Variants in ARVCF observed in about 807,000 individuals in gnomAD.
The protein encoded by ARVCF is splicing regulator ARVCF.
ARVCF carries 66 observed loss-of-function variants against 90.9 expected under a neutral mutation model. The observed-to-expected ratio is 0.73, with a 90% confidence interval of 0.60 to 0.89. The LOEUF is 0.89. Ranked by LOEUF, ARVCF falls within the 40% of genes least tolerant of loss-of-function variation. The pLI, the probability that ARVCF is intolerant of heterozygous loss-of-function variation, is 0.00. For synonymous variants in ARVCF, 653 were observed against 603.4 expected, an observed-to-expected ratio of 1.08 and a Z score of -1.21; for missense variants, 1,469 against 1,382.3, an observed-to-expected ratio of 1.06 and a Z score of -1.00.
chr22:20,012,344 G>A (rs1402624155), intron 1 of ARVCF, among the ~76,000 whole-genome samples: 1 of 152,254 alleles, frequency 6.6e-6, no homozygotes, highest in Non-Finnish European at 1.5e-5. Flanking sequence ...GGGTGCACTA[G>A]GCACATCAGC....
intron 2 of ARVCF, among the ~76,000 whole-genome samples, chr22:19,997,936 T>C (rs983002137): frequency 3.3e-5 from 5 of 152,178 alleles, no homozygotes; most frequent in African/African-American, 1.2e-4. Flanking sequence ...GCAGGCGCAG[T>C]GGAGGCGGAG....
chr22:19,968,676 G>C (rs1277428084), downstream of ARVCF: 2 of 1,613,844 alleles, frequency 1.2e-6, no homozygotes, highest in African/African-American at 1.3e-5. Flanking sequence ...AATACAGGGA[G>C]GTGGTGGACG....
At chr22:19,998,348 A>G (rs1313592205) in intron 2 of ARVCF, among the ~76,000 whole-genome samples, 1 of 152,180 alleles carries the variant, frequency 6.6e-6, no homozygotes, top group Non-Finnish European at 1.5e-5. Flanking sequence ...GGTGACACAA[A>G]GCCCCTTTGA....
At chr22:19,969,099 G>C (rs1942598619), downstream of ARVCF, 1 of 240,712 alleles carries the variant, frequency 4.2e-6, no homozygotes, top group East Asian at 1.2e-4. Context: ...AACATTCAAA[G>C]CTCCCCTTGA....
intron 6 of ARVCF, chr22:19,979,290 G>A (rs1044261503): frequency 2.0e-5 from 12 of 608,214 alleles, no homozygotes; most frequent in Non-Finnish European, 3.4e-5. Flanking sequence ...GTGCAGAGGA[G>A]GGTGTGGCAG....
At chr22:19,999,429 C>T (rs1944368136) in intron 2 of ARVCF, among the ~76,000 whole-genome samples, 1 of 152,164 alleles carries the variant, frequency 6.6e-6, no homozygotes, top group African/African-American at 2.4e-5. Flanking sequence ...CAAGGGCTGC[C>T]CCCACAGGGC....
chr22:19,990,726 G>C lies in ARVCF; in HGVS notation c.69C>G (p.Phe23Leu), dbSNP rs1047930202. The change falls in exon 3 of 20, where the codon TTC becomes TTG. Residue 23 changes from phenylalanine to leucine, a missense_variant. Coordinates refer to ENST00000263207, the MANE Select transcript of ARVCF (RefSeq NM_001670.3). The stretch of plus-strand genomic sequence containing the variant: ...GCTCCAGTGCCCGTGTCAGCCTCTC[G>C]AAGCGGGCCTCCTGCTCCTTCACCG... ...LASVKEQEARFERLTRALEQE... is the reference protein window; with the variant it reads ...LASVKEQEARLERLTRALEQE... 1 of 1,593,094 alleles carries C rather than the reference G, an allele frequency of 6.3e-7. No homozygotes were observed. The highest frequency in any genetic ancestry group is 2.3e-5 in the East Asian group (1 of 43,830).
chr22:19,980,031 G>T lies in ARVCF; in HGVS notation c.1108C>A (p.Pro370Thr). ...GCATTGGCCTTCACGGGGTCCACGGGGTGCCGCAGCATGGCCAGCACCTCA... is the reference window on the plus strand; with the variant it reads ...GCATTGGCCTTCACGGGGTCCACGGTGTGCCGCAGCATGGCCAGCACCTCA... ...LPEVLAMLRHPVDPVKANAAA... is the reference protein window; with the variant it reads ...LPEVLAMLRHTVDPVKANAAA... The change falls in exon 6 of 20, where the codon CCC becomes ACC. Residue 370 changes from proline (P) to threonine (T), a missense_variant. By Grantham distance (38) the Pro-to-Thr change is conservative (BLOSUM62 -1). Transcript: ENST00000263207. 6.3e-7 allele frequency: 1 copy of T among 1,589,230 alleles called. No homozygotes were observed. The highest frequency in any genetic ancestry group is 2.3e-5 in the East Asian group (1 of 43,698).
chr22:19,970,929 CCCCGAAGGGCGTTGGAGGGTATGGTG>C (rs1942728200), intron 19 of ARVCF, among the ~76,000 whole-genome samples, 186 bp from the exon 20 acceptor site: 2 of 152,192 alleles, frequency 1.3e-5, no homozygotes, highest in African/African-American at 4.8e-5. Context: ...ACTTGCTGGT[CCCCGAAGGGCGTTGGAGGGTATGGTG>C]CCCATCCCTA....
At chr22:19,967,520 G>C (rs536946851), downstream of ARVCF, 4 of 392,942 alleles carry the variant, frequency 1.0e-5, no homozygotes, top group South Asian at 7.8e-5. Flanking sequence ...ACTGTCACAT[G>C]AAAGCCCCCT....
intron 3 of ARVCF, among the ~76,000 whole-genome samples, chr22:19,984,047 G>A (rs983085913): frequency 6.6e-6 from 1 of 152,196 alleles, no homozygotes; most frequent in Admixed American, 6.5e-5. Context: ...GCTCATCTGA[G>A]TTCAAGCAGG....
intron 2 of ARVCF, among the ~76,000 whole-genome samples, chr22:19,998,691 T>G (rs1944341945): frequency 6.6e-6 from 1 of 151,842 alleles, no homozygotes; most frequent in Non-Finnish European, 1.5e-5. Flanking sequence ...GCAGGGGAGC[T>G]CCCGCCAGTC....
At chr22:19,967,211 TGATGACCA>T (rs1207047381), downstream of ARVCF, 2 of 1,304,700 alleles carry the variant, frequency 1.5e-6, no homozygotes, top group Admixed American at 4.6e-5. Context: ...TCTGTATCCC[TGATGACCA>T]GATTGGGCTC....
intron 3 of ARVCF, among the ~76,000 whole-genome samples, chr22:19,982,820 ACT>A (rs1943578194): frequency 6.6e-6 from 1 of 152,008 alleles, no homozygotes; most frequent in Admixed American, 6.5e-5. Flanking sequence ...AGTGACTGAG[ACT>A]CTGGGCATCA....
chr22:19,981,877 G>A lies in ARVCF; in HGVS notation c.369+56C>T, dbSNP rs9606202. On this transcript the variant is annotated intron_variant, in intron 4 of 19. Transcript: ENST00000263207. ...GCTTCCATGTCCACTCTGCAGGTGG[G>A]ACAGCTGCAGCAGCCTGGCCCTGCT... 100,651 of 1,592,086 alleles carry A rather than the reference G, an allele frequency of 0.063. 3,605 individuals are homozygous for A. The highest frequency in any genetic ancestry group is 0.074 in the Non-Finnish European group (86,953 of 1,168,934).
intron 2 of ARVCF, among the ~76,000 whole-genome samples, chr22:19,991,087 T>C (rs892959810): frequency 6.6e-6 from 1 of 152,262 alleles, no homozygotes; most frequent in Non-Finnish European, 1.5e-5. Flanking sequence ...GTGGGCGGCT[T>C]GGAGCCCGCT....
intron 19 of ARVCF, 148 bp downstream of exon 19, chr22:19,971,068 G>T: frequency 7.4e-7 from 1 of 1,354,358 alleles, no homozygotes; most frequent in Non-Finnish European, 1.0e-6. Flanking sequence ...GTCTTTCCGG[G>T]AATGGGCCAC....
At chr22:19,992,560 G>C (rs77432154) in intron 2 of ARVCF, among the ~76,000 whole-genome samples, 3 of 152,308 alleles carry the variant, frequency 2.0e-5, no homozygotes, top group African/African-American at 7.2e-5. Context: ...GGGACGGCCA[G>C]GGCGGATGGC....
At chr22:19,972,048 G>T in intron 17 of ARVCF, 77 bp from the exon 18 acceptor site, 3 of 1,351,898 alleles carry the variant, frequency 2.2e-6, no homozygotes, top group South Asian at 1.3e-5. Flanking sequence ...TCTCAGCCCA[G>T]ACACAGGGGA....
Sources: allele counts gnomAD v4.1 joint callset (sites outside exome capture counted in the v4.1 genomes callset), GRCh38; gene constraint gnomAD v4.1.1; transcripts MANE v1.5; gene names NCBI Gene and HGNC (gene_info 2026-07-23, HGNC 2026-07-21).